Variants in CCDC80 observed in about 807,000 individuals in gnomAD.
The protein encoded by CCDC80 is coiled-coil domain containing 80, also known as coiled-coil domain-containing protein 80.
Under a neutral mutation model 78.7 loss-of-function variants are expected in CCDC80, and 49 were observed. The observed-to-expected ratio is 0.62, with a 90% CI of 0.50 to 0.79. The LOEUF (loss-of-function observed/expected upper bound fraction) is 0.79, where lower values mean the gene tolerates loss of function less well. CCDC80 is among the 30% of genes least tolerant of loss of function. The probability of loss-of-function intolerance (pLI) is 0.00; values close to 1 mark genes in which losing one functional copy is unlikely to be tolerated. For missense variants in CCDC80, 1,205 were observed against 1,198.6 expected, an observed-to-expected ratio of 1.01 and a Z score of -0.08; for synonymous variants, 488 against 447.0, an observed-to-expected ratio of 1.09 and a Z score of -1.16.
At chr3:112,617,139 T>C (rs1374371899) in intron 4 of CCDC80, among the ~76,000 whole-genome samples, 1 of 152,184 alleles carries the variant, frequency 6.6e-6, no homozygotes, top group Non-Finnish European at 1.5e-5. Flanking sequence ...AAGTCCTAGG[T>C]TCACCTCTCT....
rs2668223 is a variant in CCDC80 at position 112,598,561 on chromosome 3, T to C, written c.*6856A>G. ...ACTTCTTCATCCGGCTCCCTTGGCATATGTATCAGCCCATGGATTGGGAGG... is the reference window on the plus strand; with the variant it reads ...ACTTCTTCATCCGGCTCCCTTGGCACATGTATCAGCCCATGGATTGGGAGG... On this transcript the variant is annotated 3_prime_UTR_variant, in exon 8 of 8. Coordinates refer to ENST00000206423, the MANE Select transcript of CCDC80 (RefSeq NM_199511.3). The C allele has an allele frequency of 0.24, 37,001 of 152,270 alleles. 8,607 individuals are homozygous for C. Among genetic ancestry groups the C allele is most frequent in the African/African-American group, 0.6 (24,933 of 41,460 alleles). 9.4% of individuals were successfully genotyped at this position (152,270 alleles called of 1,614,324 possible). A position where few individuals can be genotyped will look rare whatever the true frequency, so the allele number is the denominator to read the frequency against.
chr3:112,606,283 T>G (rs944971207), intron 7 of CCDC80, among the ~76,000 whole-genome samples: 1 of 152,272 alleles, frequency 6.6e-6, no homozygotes, highest in African/African-American at 2.4e-5. Context: ...GAGCTGACAC[T>G]TTCAAGTCTG....
At chr3:112,618,281 G>A (rs1216002985) in intron 4 of CCDC80, among the ~76,000 whole-genome samples, 1 of 152,186 alleles carries the variant, frequency 6.6e-6, no homozygotes, top group East Asian at 1.9e-4. Context: ...AGCACTTTGG[G>A]AGGCCGAGGC....
At position 112,641,001 on chromosome 3, in the gene CCDC80, CAGTTT is replaced by C; in HGVS notation, c.-691_-687del. 1 of 152,136 alleles carries C rather than the reference CAGTTT, an allele frequency of 6.6e-6. No individual in the cohort carries two copies. Among genetic ancestry groups the C allele is most frequent in the South Asian group, 2.1e-4 (1 of 4,828 alleles). 9.4% of individuals were successfully genotyped at this position (152,136 alleles called of 1,614,324 possible). On this transcript the variant is annotated 5_prime_UTR_variant, in exon 1 of 8. Coordinates refer to ENST00000206423, the MANE Select transcript of CCDC80 (RefSeq NM_199511.3). ...AGTCCCAGAAATGTTAGGACTACCT[CAGTTT>C]TGCTCCAAACCAAACTCAAACAACA...
At chr3:112,606,989 T>C (rs1160637877) in intron 7 of CCDC80, among the ~76,000 whole-genome samples, 187 bp downstream of exon 7, 4 of 152,198 alleles carry the variant, frequency 2.6e-5, no homozygotes, top group Non-Finnish European at 5.9e-5. Context: ...TTAGTCCCTG[T>C]ACTCCACACC....
At position 112,609,983 on chromosome 3, in the gene CCDC80, T is replaced by C. The variant is rs770284120; in HGVS notation, c.2420A>G (p.Asn807Ser). 10 of 1,612,800 alleles carry C rather than the reference T, an allele frequency of 6.2e-6. No individual in the cohort carries two copies. The highest frequency in any genetic ancestry group is 1.7e-4 in the Middle Eastern group (1 of 6,008). Residue 807 changes from asparagine to serine, a missense_variant, in exon 6 of 8, where the codon AAT (asparagine) becomes AGT (serine). Physicochemically the swap from Asn to Ser is conservative, Grantham distance 46 (BLOSUM62 1). Coordinates refer to ENST00000206423, the MANE Select transcript of CCDC80 (RefSeq NM_199511.3). ...TGAGGTGGCTTCCCACTCACCAAAA[T>C]TGCACGCCTGACCACTGAGGGCAGA... ...QLSALSGQAC[N>S]FGLRHITILK...
At chr3:112,605,891 CTAAT>C (rs763607940) in intron 7 of CCDC80, 128 bp from the exon 8 acceptor site, 34 of 762,300 alleles carry the variant, frequency 4.5e-5, no homozygotes, top group Non-Finnish European at 6.6e-5. Context: ...AGTTCAAAAT[CTAAT>C]TAAAGAAGTT....
chr3:112,619,025 G>A lies in CCDC80; in HGVS notation c.2115C>T (p.Tyr705=), dbSNP rs779889591. ...QRLISELRKE[Y]GMTYNDFFMV... is the part of the protein sequence containing the mutation. ...TGAAGAAGTCATTGTAGGTCATTCC[G>A]TACTCTTTCCTCAGCTCGCTGATGA... Residue 705 remains tyrosine, a synonymous_variant, in exon 4 of 8, where the codon TAC becomes TAT. Coordinates refer to ENST00000206423, the MANE Select transcript of CCDC80 (RefSeq NM_199511.3). The A allele has an allele frequency of 5.5e-5, 88 of 1,612,592 alleles. No individual in the cohort carries two copies. Among genetic ancestry groups the A allele is most frequent in the East Asian group, 2.7e-4 (12 of 44,832 alleles).
intron 7 of CCDC80, among the ~76,000 whole-genome samples, chr3:112,606,398 TTTTTG>T (rs142395604): frequency 0.21 from 31,161 of 147,758 alleles, 5,676 homozygotes; most frequent in African/African-American, 0.51. Flanking sequence ...CAAGAGTCTT[TTTTTG>T]TTTTGTTTTG....
chr3:112,640,039 T>G (rs1936311720), intron 1 of CCDC80, 123 bp from the exon 2 acceptor site: 1 of 1,438,348 alleles, frequency 7.0e-7, no homozygotes, highest in Admixed American at 2.8e-5. Flanking sequence ...GGGGAAAAGG[T>G]TGGTTAGAGA....
In CCDC80 at chr3:112,601,201, T is replaced by C. The variant is rs1935367451; in HGVS notation, c.*4216A>G. ...GTGATTTGTCAAGTTCATTGAACTA[T>C]AAATTCCATTTTTACTGTCATTTAT... On this transcript the variant is annotated 3_prime_UTR_variant, in exon 8 of 8. Coordinates refer to ENST00000206423, the MANE Select transcript of CCDC80 (RefSeq NM_199511.3). 6.6e-6 allele frequency: 1 copy of C among 152,244 alleles called. No homozygotes were observed. Among genetic ancestry groups the C allele is most frequent in the African/African-American group, 2.4e-5 (1 of 41,466 alleles). The allele number at this position is 152,244 out of a possible 1,614,324, so 9.4% of individuals were successfully genotyped here.
At chr3:112,613,383 T>C (rs1935671213) in intron 5 of CCDC80, among the ~76,000 whole-genome samples, 1 of 152,154 alleles carries the variant, frequency 6.6e-6, no homozygotes, top group African/African-American at 2.4e-5. Context: ...ATTCCTATAG[T>C]AGTAATGAAG....
chr3:112,616,522 C>A (rs1463162786), intron 5 of CCDC80, among the ~76,000 whole-genome samples, 188 bp downstream of exon 5: 1 of 151,776 alleles, frequency 6.6e-6, no homozygotes, highest in Non-Finnish European at 1.5e-5. Flanking sequence ...CTGCAGCCAG[C>A]CAGCCCTGTA....
Position 112,619,120 on chromosome 3 carries a change from A to G in CCDC80, c.2036-16T>C. On this transcript the variant is annotated splice_polypyrimidine_tract_variant and intron_variant, in intron 3 of 7. Transcript: ENST00000206423. ...TTCTCATTATCTTAAGGGAAATAAA[A>G]TGTGAATGAATATGGGTGTGGCAAG... 4 of 1,551,884 alleles carry G rather than the reference A, an allele frequency of 2.6e-6. No homozygotes were observed. Among genetic ancestry groups the G allele is most frequent in the Non-Finnish European group, 2.6e-6 (3 of 1,152,098 alleles).
chr3:112,634,813 A>C (rs1232247014), intron 2 of CCDC80, among the ~76,000 whole-genome samples: 1 of 152,208 alleles, frequency 6.6e-6, no homozygotes, highest in Non-Finnish European at 1.5e-5. Flanking sequence ...AGAAAGGGAG[A>C]TTGGCCTGAA....
rs376265934 is a variant in CCDC80 at position 112,638,496 on chromosome 3, C to T, written c.1410G>A (p.Arg470=). 6.2e-7 allele frequency: 1 copy of T among 1,611,668 alleles called. No homozygotes were observed. Among genetic ancestry groups the T allele is most frequent in the Non-Finnish European group, 8.5e-7 (1 of 1,179,244 alleles). ...PGRFRDNRMD[R]REHGHRDPNV... ...TTGGGTCTCGGTGGCCATGTTCCCGCCTGTCCATGCGGTTGTCCCGGAAAC... is the reference window on the plus strand; with the variant it reads ...TTGGGTCTCGGTGGCCATGTTCCCGTCTGTCCATGCGGTTGTCCCGGAAAC... The change falls in exon 2 of 8, where the codon AGG becomes AGA. Residue 470 remains arginine, a synonymous_variant. Coordinates refer to ENST00000206423, the MANE Select transcript of CCDC80 (RefSeq NM_199511.3).
intron 5 of CCDC80, among the ~76,000 whole-genome samples, chr3:112,616,036 G>A (rs987953578): frequency 5.3e-5 from 8 of 152,060 alleles, no homozygotes; most frequent in African/African-American, 7.2e-5. Flanking sequence ...TCTTTCTTGC[G>A]CGAGATCCAA....
intron 7 of CCDC80, among the ~76,000 whole-genome samples, chr3:112,606,503 G>A (rs1452407095): frequency 5.9e-5 from 9 of 151,934 alleles, no homozygotes. Flanking sequence ...TCGGCTCACC[G>A]CAATCTCCAC....
At chr3:112,618,924 A>G (rs1935807815) in intron 4 of CCDC80, 44 bp downstream of exon 4, 5 of 1,578,152 alleles carry the variant, frequency 3.2e-6, no homozygotes, top group Non-Finnish European at 4.3e-6. Flanking sequence ...CAGATTTGCT[A>G]TTCTAAGAAA....
Sources: gnomAD v4.1 joint callset for allele counts (sites outside exome capture counted in the v4.1 genomes callset) on GRCh38, gnomAD v4.1.1 for gene constraint, MANE v1.5 for transcripts, NCBI Gene and HGNC (gene_info 2026-07-23, HGNC 2026-07-21) for gene names.